Variants in TRA2B observed in about 807,000 individuals in gnomAD.
TRA2B encodes transformer-2 protein homolog beta.
In TRA2B, 14 loss-of-function variants were observed where a neutral mutation model predicts 41.7. The ratio of observed to expected loss-of-function variants is 0.34; its 90% CI spans 0.22 to 0.53. TRA2B has a LOEUF of 0.53. TRA2B is among the 20% of genes least tolerant of loss of function. The pLI, the probability that TRA2B is intolerant of heterozygous loss-of-function variation, is 0.95. For synonymous variants in TRA2B, 130 were observed against 128.8 expected (o/e 1.01, Z -0.06); for missense variants, 167 against 396.8 (o/e 0.42, Z 4.92).
chr3:185,918,859 A>G (rs1743605572), intron 7 of TRA2B, among the ~76,000 whole-genome samples: 1 of 152,000 alleles, frequency 6.6e-6, no homozygotes, highest in South Asian at 2.1e-4. Flanking sequence ...AAAAAAAATT[A>G]GCTCTGTGCG....
intron 7 of TRA2B, 118 bp downstream of exon 7, chr3:185,919,319 G>T: frequency 1.4e-6 from 1 of 708,288 alleles, no homozygotes; most frequent in Non-Finnish European, 2.3e-6. Context: ...ATTTTCATGA[G>T]CTTCAAACAG....
At chr3:185,926,880 G>A in intron 1 of TRA2B, 146 bp from the exon 2 acceptor site, 1 of 882,632 alleles carries the variant, frequency 1.1e-6, no homozygotes. Context: ...AATATACCTG[G>A]TGTTAATAGT....
Position 185,919,881 on chromosome 3 carries a change from A to C in TRA2B, c.723-385T>G, listed in dbSNP as rs551635921. 2.3e-3 allele frequency among the ~76,000 whole-genome samples: 353 copies of C among 152,302 alleles called. 2 individuals carry two copies. Among genetic ancestry groups the C allele is most frequent in the South Asian group, 6.6e-3 (32 of 4,824 alleles). ...TTCAGACAATGACTGACAACTGTTA[A>C]CTTCTTAAACATTGCCAAATAATGC... On this transcript the variant is annotated intron_variant, in intron 6 of 8. Coordinates refer to ENST00000453386, the MANE Select transcript of TRA2B (RefSeq NM_004593.3).
In TRA2B at chr3:185,935,251, A is replaced by G. The variant is rs150549993; in HGVS notation, c.36+2574T>C. ...TCTTGAATCCGGAGATGAAAACGAG[A>G]TCTTACTTTTGAAAGTGGTTTGGCC... On this transcript the variant is annotated intron_variant, in intron 1 of 8. Coordinates refer to ENST00000453386, the MANE Select transcript of TRA2B (RefSeq NM_004593.3). 781 of 985,410 alleles carry G rather than the reference A, an allele frequency of 7.9e-4. 5 individuals are homozygous for G. The African/African-American group carries it at 0.011, about 14-fold the overall frequency. 61.0% of individuals were successfully genotyped at this position (985,410 alleles called of 1,614,324 possible). A position where few individuals can be genotyped will look rare whatever the true frequency, so the allele number is the denominator to read the frequency against.
chr3:185,936,133 G>C, intron 1 of TRA2B: 1 of 985,312 alleles, frequency 1.0e-6, no homozygotes, highest in Non-Finnish European at 1.2e-6. Flanking sequence ...GTATTCAATC[G>C]AGAGCTCTAG....
intron 5 of TRA2B, among the ~76,000 whole-genome samples, chr3:185,921,662 G>C (rs900584581): frequency 6.6e-6 from 1 of 152,170 alleles, no homozygotes; most frequent in African/African-American, 2.4e-5. Context: ...TACTCGGGAG[G>C]CTGAGGCAGG....
At chr3:185,921,591 T>C (rs1182533321) in intron 5 of TRA2B, among the ~76,000 whole-genome samples, 1 of 152,082 alleles carries the variant, frequency 6.6e-6, no homozygotes, top group African/African-American at 2.4e-5. Flanking sequence ...GGTGAAAACC[T>C]GCCTCTACTA....
In TRA2B at chr3:185,917,618, A is replaced by C; in HGVS notation, c.*97T>G. On this transcript the variant is annotated 3_prime_UTR_variant, in exon 9 of 9. Transcript: ENST00000453386. ...AAAGGTGTAAAAGTCACCTAACTTC[A>C]CTAGGCACTGTTCACTTTTTAAACA... 7.3e-6 allele frequency: 10 copies of C among 1,365,130 alleles called. No individual in the cohort carries two copies. Among genetic ancestry groups the C allele is most frequent in the East Asian group, 2.3e-5 (1 of 43,352 alleles). 84.6% of individuals were successfully genotyped at this position (1,365,130 alleles called of 1,614,324 possible). A position where few individuals can be genotyped will look rare whatever the true frequency, so the allele number is the denominator to read the frequency against.
intron 4 of TRA2B, chr3:185,922,353 T>G (rs963597091): frequency 2.8e-6 from 1 of 356,698 alleles, no homozygotes; most frequent in African/African-American, 2.1e-5. Flanking sequence ...CTAACTATGA[T>G]CCTGACAGTA....
At chr3:185,935,321 A>G in intron 1 of TRA2B, 1 of 984,946 alleles carries the variant, frequency 1.0e-6, no homozygotes, top group Non-Finnish European at 1.2e-6. Flanking sequence ...GACAGATTTT[A>G]GTGTTAATCT....
chr3:185,935,892 A>G (rs1369378853), intron 1 of TRA2B: 1 of 984,756 alleles, frequency 1.0e-6, no homozygotes, highest in East Asian at 1.1e-4. Context: ...GAAGACTCTT[A>G]TGTAAGAAAA....
intron 1 of TRA2B, 150 bp downstream of exon 1, chr3:185,937,675 T>A (rs1186144885): frequency 1.7e-6 from 2 of 1,161,862 alleles, no homozygotes; most frequent in Non-Finnish European, 2.4e-6. Context: ...AAGGCTTTTT[T>A]TGGTTAAATG....
Position 185,923,881 on chromosome 3 carries a change from T to C in TRA2B, c.437A>G (p.Asp146Gly). Residue 146 changes from aspartate (D) to glycine (G), a missense_variant, in exon 4 of 9, where the codon GAT (aspartate) becomes GGT (glycine). By Grantham distance (94) the Asp-to-Gly change is moderately conservative (BLOSUM62 -1). Transcript: ENST00000453386. ...EVFSKYGPIADVSIVYDQQSR... is the reference protein window; with the variant it reads ...EVFSKYGPIAGVSIVYDQQSR... ...CTGCTGGTCATATACAATAGACACA[T>C]CGGCAATGGGACCATATTTAGAGAA... 6.2e-7 allele frequency: 1 copy of C among 1,614,126 alleles called. No homozygotes were observed. Among genetic ancestry groups the C allele is most frequent in the Non-Finnish European group, 8.5e-7 (1 of 1,180,008 alleles).
chr3:185,936,007 T>C (rs1405715095), intron 1 of TRA2B: 3 of 985,378 alleles, frequency 3.0e-6, no homozygotes, highest in South Asian at 4.7e-5. Context: ...TCAGAAAATT[T>C]CAAATTTCTC....
In TRA2B at chr3:185,937,166, A is replaced by G. The variant is rs1163572815; in HGVS notation, c.36+659T>C. 13 of 985,602 alleles carry G rather than the reference A, an allele frequency of 1.3e-5. No individual in the cohort carries two copies. In the African/African-American group the frequency reaches 2.1e-4, roughly 16 times the overall value. 61.1% of individuals were successfully genotyped at this position (985,602 alleles called of 1,614,324 possible). On this transcript the variant is annotated intron_variant, in intron 1 of 8. Coordinates refer to ENST00000453386, the MANE Select transcript of TRA2B (RefSeq NM_004593.3). Reference sequence around the variant, plus strand: ...CAGAGAAAAGCGCTTCATTTAGGCCAAACACAAAGCCCTCACGCAATCCCC... The same window carrying G: ...CAGAGAAAAGCGCTTCATTTAGGCCGAACACAAAGCCCTCACGCAATCCCC...
At chr3:185,935,627 A>G in intron 1 of TRA2B, 1 of 985,458 alleles carries the variant, frequency 1.0e-6, no homozygotes, top group Non-Finnish European at 1.2e-6. Flanking sequence ...CCCAGTTCAG[A>G]AGCCTGGAGT....
intron 8 of TRA2B, 29 bp from the exon 9 acceptor site, chr3:185,917,754 A>G (rs765375842): frequency 8.1e-6 from 13 of 1,607,326 alleles, no homozygotes; most frequent in African/African-American, 1.3e-5. Context: ...ACATGCTTTA[A>G]TATTAAGTGA....
At chr3:185,924,065 C>T in intron 3 of TRA2B, 81 bp from the exon 4 acceptor site, 3 of 1,216,932 alleles carry the variant, frequency 2.5e-6, no homozygotes, top group South Asian at 3.2e-5. Flanking sequence ...GTATACTAGC[C>T]AAAATGTCAC....
At chr3:185,933,016 T>C (rs1405910925) in intron 1 of TRA2B, among the ~76,000 whole-genome samples, 1 of 152,206 alleles carries the variant, frequency 6.6e-6, no homozygotes, top group Non-Finnish European at 1.5e-5. Context: ...CGAAAATTTT[T>C]AAATATGTTT....
Sources: gnomAD v4.1 joint callset for allele counts (sites outside exome capture counted in the v4.1 genomes callset) on GRCh38, gnomAD v4.1.1 for gene constraint, MANE v1.5 for transcripts, NCBI Gene and HGNC (gene_info 2026-07-23, HGNC 2026-07-21) for gene names.